DCC: variants seen among roughly 807,000 people sequenced by gnomAD.
DCC encodes the protein netrin receptor DCC.
Under a neutral mutation model 172.5 loss-of-function variants are expected in DCC, and 58 were observed. The observed-to-expected ratio is 0.34, with a 90% CI of 0.27 to 0.42. The LOEUF (loss-of-function observed/expected upper bound fraction) is 0.42. Ranked by LOEUF, DCC falls within the 10% of genes least tolerant of loss-of-function variation. The pLI, the probability that DCC is intolerant of heterozygous loss-of-function variation, is 1.00. For missense variants in DCC, 1,740 were observed against 1,791.0 expected, an observed-to-expected ratio of 0.97 and a Z score of 0.51; for synonymous variants, 709 against 644.5, an observed-to-expected ratio of 1.10 and a Z score of -1.52.
At chr18:52,782,551 C>G (rs1447286425) in intron 2 of DCC, among the ~76,000 whole-genome samples, 1 of 152,148 alleles carries the variant, frequency 6.6e-6, no homozygotes, top group African/African-American at 2.4e-5. Context: ...TAACTTCTTG[C>G]ATACATACTC....
At chr18:53,148,665 A>G (rs1433282290) in intron 7 of DCC, among the ~76,000 whole-genome samples, 9 of 152,174 alleles carry the variant, frequency 5.9e-5, no homozygotes, top group Admixed American at 5.9e-4. Flanking sequence ...GAAATGAAAT[A>G]AAGTCTTATA....
chr18:53,166,004 C>A (rs2144423635), intron 8 of DCC, among the ~76,000 whole-genome samples: 1 of 152,214 alleles, frequency 6.6e-6, no homozygotes, highest in Admixed American at 6.5e-5. Context: ...AGGTGGGTGC[C>A]AGAGTCATTC....
rs1272954018 is a variant in DCC, at chr18:53,175,401, A to G, written c.1419-3561A>G. Among the ~76,000 whole-genome samples, 3 of 152,256 alleles carry G rather than the reference A, an allele frequency of 2.0e-5. No homozygotes were observed. In the East Asian group the frequency reaches 5.8e-4, roughly 29 times the overall value. ...GAAGTCAAATTGTCCCTGTTTGCAG[A>G]CGACATGATTGTATATCTAGAAAAC... On this transcript the variant is annotated intron_variant, in intron 8 of 28. Transcript: ENST00000442544.
At chr18:52,618,589 T>C (rs1165390529) in intron 1 of DCC, among the ~76,000 whole-genome samples, 1 of 152,184 alleles carries the variant, frequency 6.6e-6, no homozygotes, top group African/African-American at 2.4e-5. Flanking sequence ...TCCTCCAACA[T>C]TACTCAAATG....
chr18:52,761,858 G>A lies in DCC; in HGVS notation c.412+9484G>A, dbSNP rs555244483. On this transcript the variant is annotated intron_variant, in intron 2 of 28. Transcript: ENST00000442544. ...CAGGAGGCAGAGCTTGCAGTGAGCCGAGATAGCGCCACTGCAGTCTGGCCT... is the reference window on the plus strand; with the variant it reads ...CAGGAGGCAGAGCTTGCAGTGAGCCAAGATAGCGCCACTGCAGTCTGGCCT... Among the ~76,000 whole-genome samples the A allele has an allele frequency of 3.0e-4, 42 of 141,480 alleles. 1 individual carries two copies. The South Asian group carries it at 8.4e-3, about 28-fold the overall frequency. 92.8% of individuals were successfully genotyped at this position (141,480 alleles called of 152,430 possible). A position where few individuals can be genotyped will look rare whatever the true frequency, so the allele number is the denominator to read the frequency against.
intron 11 of DCC, 73 bp downstream of exon 11, chr18:53,207,890 TATATC>T (rs1456570799): frequency 5.4e-6 from 7 of 1,308,070 alleles, no homozygotes; most frequent in East Asian, 4.6e-5. Context: ...ATATTGCACA[TATATC>T]ATATATTCCA....
At chr18:52,542,176 G>A (rs2032480252) in intron 1 of DCC, among the ~76,000 whole-genome samples, 1 of 151,258 alleles carries the variant, frequency 6.6e-6, no homozygotes, top group Admixed American at 6.6e-5. Flanking sequence ...TTTTACTACA[G>A]AATGATCCAC....
intron 2 of DCC, among the ~76,000 whole-genome samples, chr18:52,881,848 T>C (rs1046917089): frequency 2.0e-5 from 3 of 152,156 alleles, no homozygotes; most frequent in Non-Finnish European, 2.9e-5. Flanking sequence ...ATGCCATTTG[T>C]GCTTTGATAG....
chr18:52,568,633 A>C (rs1041802621), intron 1 of DCC, among the ~76,000 whole-genome samples: 1 of 152,058 alleles, frequency 6.6e-6, no homozygotes, highest in African/African-American at 2.4e-5. Context: ...CAAATTAAAG[A>C]GTATAATTCT....
chr18:53,192,774 G>A (rs2144516092), intron 9 of DCC, among the ~76,000 whole-genome samples: 1 of 152,270 alleles, frequency 6.6e-6, no homozygotes, highest in South Asian at 2.1e-4. Context: ...TGTATACAGT[G>A]AACTGCCTCA....
At chr18:53,192,568 A>C (rs1291953687) in intron 9 of DCC, among the ~76,000 whole-genome samples, 1 of 152,216 alleles carries the variant, frequency 6.6e-6, no homozygotes, top group African/African-American at 2.4e-5. Context: ...CCTGAAAAGC[A>C]GCTGACTATC....
intron 12 of DCC, among the ~76,000 whole-genome samples, chr18:53,275,300 T>C (rs542569355): frequency 9.2e-5 from 14 of 152,102 alleles, no homozygotes; most frequent in Non-Finnish European, 1.8e-4. Context: ...ATAAAAATCA[T>C]TGTACAAAAA....
chr18:53,410,788 C>T (rs1909935531), intron 20 of DCC, 142 bp downstream of exon 20: 3 of 674,434 alleles, frequency 4.4e-6, no homozygotes, highest in Non-Finnish European at 8.1e-6. Flanking sequence ...TAAAATGTAG[C>T]TTTTTATGCT....
chr18:52,977,107 G>GA lies in DCC; in HGVS notation c.985+51742dup, dbSNP rs138409580. Among the ~76,000 whole-genome samples, 1,430 of 152,192 alleles carry GA rather than the reference G, an allele frequency of 9.4e-3. 13 individuals carry two copies. Among genetic ancestry groups the GA allele is most frequent in the Non-Finnish European group, 0.016 (1,098 of 68,000 alleles). ...AATACATGGTCACACTTCTCGTGCA[G>GA]AAAAATCTCCTTTTCTGTGTTTATT... On this transcript the variant is annotated intron_variant, in intron 5 of 28. Transcript: ENST00000442544.
chr18:52,894,844 G>C (rs563247110), intron 2 of DCC, among the ~76,000 whole-genome samples: 1 of 152,144 alleles, frequency 6.6e-6, no homozygotes, highest in African/African-American at 2.4e-5. Context: ...CCACACTGGG[G>C]AAGACATTGT....
At chr18:53,409,675 C>G (rs1311649588) in intron 19 of DCC, among the ~76,000 whole-genome samples, 1 of 152,118 alleles carries the variant, frequency 6.6e-6, no homozygotes, top group African/African-American at 2.4e-5. Context: ...ACTATCATGA[C>G]TGAGTACACA....
intron 15 of DCC, among the ~76,000 whole-genome samples, chr18:53,360,918 G>A (rs1023449042): frequency 1.3e-4 from 20 of 152,110 alleles, no homozygotes. Context: ...TGGTTTGAAG[G>A]GGAGCCTCTA....
At chr18:53,104,936 C>T (rs116884902) in intron 7 of DCC, among the ~76,000 whole-genome samples, 1,579 of 152,086 alleles carry the variant, frequency 0.01, 31 homozygotes, top group East Asian at 0.1. Flanking sequence ...AATGAATACA[C>T]CACATGGGAG....
At chr18:52,546,297 G>A (rs1051255694) in intron 1 of DCC, among the ~76,000 whole-genome samples, 2 of 152,096 alleles carry the variant, frequency 1.3e-5, no homozygotes, top group African/African-American at 4.8e-5. Flanking sequence ...GGATGCCTGG[G>A]GATGTGTAGA....
Sources: allele counts gnomAD v4.1 joint callset (sites outside exome capture counted in the v4.1 genomes callset), GRCh38; gene constraint gnomAD v4.1.1; transcripts MANE v1.5; gene names NCBI Gene and HGNC (gene_info 2026-07-23, HGNC 2026-07-21).